The following DLG1 variants were observed in gnomAD, a reference collection of about 807,000 sequenced individuals.
DLG1 encodes disks large homolog 1.
In DLG1, 42 loss-of-function variants were observed where a neutral mutation model predicts 123.4. The ratio of observed to expected loss-of-function variants is 0.34; its 90% CI spans 0.27 to 0.44. The LOEUF (loss-of-function observed/expected upper bound fraction) is 0.44, where lower values mean the gene tolerates loss of function less well. Ranked by LOEUF, DLG1 falls within the 20% of genes least tolerant of loss-of-function variation. The pLI is 1.00. For synonymous variants in DLG1, 317 were observed against 356.2 expected, an observed-to-expected ratio of 0.89 and a Z score of 1.24; for missense variants, 942 against 1,082.6, an observed-to-expected ratio of 0.87 and a Z score of 1.82.
chr3:197,185,345 A>T (rs1014816429), intron 5 of DLG1, among the ~76,000 whole-genome samples: 9 of 152,204 alleles, frequency 5.9e-5, no homozygotes, highest in Non-Finnish European at 1.0e-4. Context: ...TGCTGTCTCT[A>T]TGATGCGTCT....
intron 23 of DLG1, among the ~76,000 whole-genome samples, chr3:197,053,415 A>C (rs1729317313): frequency 1.3e-5 from 2 of 152,056 alleles, no homozygotes; most frequent in Admixed American, 6.6e-5. Flanking sequence ...GTTGACAGTT[A>C]AATTTTTTTT....
chr3:197,275,365 C>T (rs1765905143), intron 4 of DLG1, among the ~76,000 whole-genome samples: 1 of 152,054 alleles, frequency 6.6e-6, no homozygotes, highest in African/African-American at 2.4e-5. Flanking sequence ...TTCTCAACCA[C>T]CATTTAATCC....
At chr3:197,293,334 AT>A (rs1460139432) in intron 3 of DLG1, among the ~76,000 whole-genome samples, 1 of 152,220 alleles carries the variant, frequency 6.6e-6, no homozygotes, top group East Asian at 1.9e-4. Flanking sequence ...GCTTTCAATA[AT>A]TTTTAAATCT....
At chr3:197,060,109 T>C in intron 22 of DLG1, 111 bp from the exon 23 acceptor site, 1 of 649,096 alleles carries the variant, frequency 1.5e-6, no homozygotes, top group Non-Finnish European at 2.5e-6. Flanking sequence ...TTTCGATCCT[T>C]GTTCACTTTT....
chr3:197,154,846 T>C (rs146441026), intron 5 of DLG1, among the ~76,000 whole-genome samples: 1,889 of 151,866 alleles, frequency 0.012, 33 homozygotes, highest in African/African-American at 0.043. Flanking sequence ...GTAAAAAAAG[T>C]AGTGAACATG....
chr3:197,130,844 CAT>C (rs1298582320), intron 10 of DLG1, among the ~76,000 whole-genome samples, 173 bp from the exon 11 acceptor site: 1 of 152,194 alleles, frequency 6.6e-6, no homozygotes, highest in Non-Finnish European at 1.5e-5. Context: ...TTTATCATGA[CAT>C]GTGAAGTCGT....
chr3:197,272,378 T>C (rs1051658724), intron 4 of DLG1, among the ~76,000 whole-genome samples: 1 of 151,998 alleles, frequency 6.6e-6, no homozygotes, highest in Non-Finnish European at 1.5e-5. Flanking sequence ...AAAAAAAGCA[T>C]AAAACTGTGC....
chr3:197,256,673 A>C (rs942511083), intron 4 of DLG1, among the ~76,000 whole-genome samples: 2 of 152,248 alleles, frequency 1.3e-5, no homozygotes, highest in Admixed American at 6.5e-5. Context: ...ACTAAAAATA[A>C]TTAGTTTAGA....
intron 5 of DLG1, among the ~76,000 whole-genome samples, chr3:197,191,305 C>A (rs1462912956): frequency 6.6e-6 from 1 of 152,130 alleles, no homozygotes; most frequent in African/African-American, 2.4e-5. Flanking sequence ...TCTGGAGACT[C>A]TGGGTAAACA....
intron 10 of DLG1, 29 bp downstream of exon 10, chr3:197,136,513 T>C (rs1401810352): frequency 6.3e-7 from 1 of 1,581,380 alleles, no homozygotes; most frequent in Non-Finnish European, 8.6e-7. Flanking sequence ...ACAAAATGAT[T>C]TAAAAGACAA....
intron 18 of DLG1, chr3:197,069,497 T>C (rs1403447190): frequency 3.1e-6 from 1 of 318,180 alleles, no homozygotes; most frequent in Non-Finnish European, 5.7e-6. Context: ...AACAAATCTA[T>C]TATAAATAGC....
intron 11 of DLG1, among the ~76,000 whole-genome samples, chr3:197,129,799 T>A (rs1297140515): frequency 6.6e-6 from 1 of 152,048 alleles, no homozygotes; most frequent in Non-Finnish European, 1.5e-5. Flanking sequence ...GCGAGGGAGA[T>A]AGGGGAATGA....
At chr3:197,245,906 G>T (rs796545706) in intron 4 of DLG1, among the ~76,000 whole-genome samples, 1 of 141,606 alleles carries the variant, frequency 7.1e-6, no homozygotes, top group Non-Finnish European at 1.5e-5. Context: ...TTTTTGGGGG[G>T]GGGGGAGGTG....
intron 4 of DLG1, among the ~76,000 whole-genome samples, chr3:197,203,408 G>A (rs890788716): frequency 1.3e-5 from 2 of 152,182 alleles, no homozygotes. Context: ...TTTTCTGAAA[G>A]TCAAAAGTAG....
rs1196340610 is a variant in DLG1 at position 197,136,657 on chromosome 3, C to T, written c.905G>A (p.Gly302Glu). ...AGGAATATGCTGATTTCCAACACCT[C>T]CAGCAATGCTAAACCCAAGACCTGT... Reference protein sequence around the residue: ...GPKGLGFSIAGGVGNQHIPGD... With the variant: ...GPKGLGFSIAEGVGNQHIPGD... The change falls in exon 10 of 25, where the codon GGA becomes GAA. Residue 302 changes from glycine (G) to glutamate (E), a missense_variant. Coordinates refer to ENST00000667157, the MANE Select transcript of DLG1 (RefSeq NM_001366207.1). 6.2e-7 allele frequency: 1 copy of T among 1,612,470 alleles called. No individual in the cohort carries two copies. The highest frequency in any genetic ancestry group is 8.5e-7 in the Non-Finnish European group (1 of 1,179,512).
At chr3:197,297,091 C>A in intron 2 of DLG1, 95 bp downstream of exon 2, 1 of 1,388,770 alleles carries the variant, frequency 7.2e-7, no homozygotes, top group Non-Finnish European at 1.0e-6. Flanking sequence ...GCTGTCTCAT[C>A]AAAGTTACAC....
intron 16 of DLG1, among the ~76,000 whole-genome samples, chr3:197,081,712 T>C (rs1264423189): frequency 6.6e-6 from 1 of 152,194 alleles, no homozygotes; most frequent in African/African-American, 2.4e-5. Context: ...TTTTAAAGTA[T>C]TTTTGGAAGG....
At chr3:197,210,398 T>A (rs1730729259) in intron 4 of DLG1, among the ~76,000 whole-genome samples, 1 of 143,612 alleles carries the variant, frequency 7.0e-6, no homozygotes, top group African/African-American at 2.4e-5. Flanking sequence ...TCTAGACAGA[T>A]CAAGGAAAGA....
chr3:197,282,995 C>T (rs1250749334), intron 3 of DLG1, 150 bp from the exon 4 acceptor site: 3 of 485,172 alleles, frequency 6.2e-6, no homozygotes, highest in Non-Finnish European at 1.1e-5. Context: ...TGAATATTAT[C>T]TTATTTCATT....
Sources: allele counts gnomAD v4.1 joint callset (sites outside exome capture counted in the v4.1 genomes callset), GRCh38; gene constraint gnomAD v4.1.1; transcripts MANE v1.5; gene names NCBI Gene and HGNC (gene_info 2026-07-23, HGNC 2026-07-21).